Variants in YTHDC2 observed in about 807,000 individuals in gnomAD.
YTHDC2 encodes YTH N6-methyladenosine RNA binding protein C2.
A neutral mutation model predicts 174.9 loss-of-function variants in YTHDC2; 45 were observed. That is an observed-to-expected ratio of 0.26 (90% confidence interval 0.20 to 0.33). The LOEUF is 0.33. Among genes scored for constraint, YTHDC2 ranks in the 10% least tolerant of loss-of-function variants. The pLI, the probability that YTHDC2 is intolerant of heterozygous loss-of-function variation, is 1.00. For missense variants in YTHDC2, 1,650 were observed against 1,723.7 expected (o/e 0.96, Z 0.76); for synonymous variants, 657 against 574.5 (o/e 1.14, Z -2.05).
chr5:113,585,759 C>T (rs993572944), intron 26 of YTHDC2, among the ~76,000 whole-genome samples: 2 of 151,152 alleles, frequency 1.3e-5, no homozygotes, highest in Admixed American at 6.6e-5. Context: ...ATAAGCCAGA[C>T]ACAAAATGCT....
At chr5:113,589,395 T>TA (rs1156968093) in intron 26 of YTHDC2, among the ~76,000 whole-genome samples, 25,870 of 114,138 alleles carry the variant, frequency 0.23, 3,616 homozygotes, top group East Asian at 0.43. Flanking sequence ...TTTTAAAAAT[T>TA]AAAAAAAAAA....
At chr5:113,559,412 A>G (rs1776817078) in intron 17 of YTHDC2, among the ~76,000 whole-genome samples, 1 of 152,220 alleles carries the variant, frequency 6.6e-6, no homozygotes, top group South Asian at 2.1e-4. Context: ...AGTAAGAGCA[A>G]ATATCACATT....
chr5:113,537,069 A>G (rs555777934), intron 7 of YTHDC2, among the ~76,000 whole-genome samples: 30 of 152,292 alleles, frequency 2.0e-4, no homozygotes, highest in Admixed American at 9.2e-4. Flanking sequence ...CCTGCCAACA[A>G]TGTTATAATG....
At chr5:113,514,936 A>G (rs1773298630) in intron 1 of YTHDC2, among the ~76,000 whole-genome samples, 1 of 152,234 alleles carries the variant, frequency 6.6e-6, no homozygotes, top group African/African-American at 2.4e-5. Flanking sequence ...ACCAAGTTAA[A>G]TATGTTCAGT....
chr5:113,563,473 A>G lies in YTHDC2; in HGVS notation c.2423A>G (p.Asn808Ser). The G allele has an allele frequency of 6.2e-7, 1 of 1,608,858 alleles. No individual in the cohort carries two copies. Among genetic ancestry groups the G allele is most frequent in the Non-Finnish European group, 8.5e-7 (1 of 1,177,236 alleles). ...PEPPPALIVR[N>S]AVQMLKTIDA... ...CCTCCACCAGCTTTAATTGTAAGAA[A>G]TGCTGTACAAATGCTTAAGGTTGGT... Residue 808 changes from asparagine to serine, a missense_variant, in exon 19 of 30, where the codon AAT becomes AGT. By Grantham distance (46) the Asn-to-Ser change is conservative. Transcript: ENST00000161863.
At chr5:113,531,778 AAC>A (rs368653455) in intron 4 of YTHDC2, among the ~76,000 whole-genome samples, 14 of 152,182 alleles carry the variant, frequency 9.2e-5, no homozygotes, top group Admixed American at 2.0e-4. Context: ...TGAAAATAAA[AAC>A]AGTTATATTT....
At chr5:113,530,309 A>T (rs1774568771) in intron 4 of YTHDC2, among the ~76,000 whole-genome samples, 1 of 152,112 alleles carries the variant, frequency 6.6e-6, no homozygotes, top group African/African-American at 2.4e-5. Context: ...TGTCTATAGT[A>T]CCAGTGTCTA....
chr5:113,513,735 T>C lies in YTHDC2; in HGVS notation c.-161T>C. ...TGATATCAATGGCGCAGGCTTCACT[T>C]CTGCTGTGGCGGTGACTGAGGCCTT... On this transcript the variant is annotated 5_prime_UTR_variant, in exon 1 of 30. Transcript: ENST00000161863. 1.4e-6 allele frequency: 1 copy of C among 736,962 alleles called. No homozygotes were observed. Among genetic ancestry groups the C allele is most frequent in the Non-Finnish European group, 2.1e-6 (1 of 482,580 alleles). The allele number at this position is 736,962 out of a possible 1,614,324, so 45.7% of individuals were successfully genotyped here. A position where few individuals can be genotyped will look rare whatever the true frequency, so the allele number is the denominator to read the frequency against.
intron 22 of YTHDC2, 137 bp from the exon 23 acceptor site, chr5:113,567,517 G>T (rs546632073): frequency 1.3e-6 from 1 of 742,116 alleles, no homozygotes; most frequent in Non-Finnish European, 2.0e-6. Flanking sequence ...CTACATGAGC[G>T]ATGACTTGTT....
chr5:113,588,713 C>T (rs1446994226), intron 26 of YTHDC2, among the ~76,000 whole-genome samples: 1 of 151,902 alleles, frequency 6.6e-6, no homozygotes, highest in Non-Finnish European at 1.5e-5. Context: ...AGCTCAGCCT[C>T]CTGGGTTCAC....
chr5:113,555,312 A>G (rs36023163), intron 16 of YTHDC2, among the ~76,000 whole-genome samples: 18,952 of 145,614 alleles, frequency 0.13, 1,432 homozygotes, highest in Non-Finnish European at 0.18. Flanking sequence ...GCTGTTTTCT[A>G]AAAATTTTAT....
chr5:113,524,012 C>T (rs909832183), intron 2 of YTHDC2, among the ~76,000 whole-genome samples: 3 of 152,048 alleles, frequency 2.0e-5, no homozygotes, highest in Non-Finnish European at 4.4e-5. Flanking sequence ...TTAGAGTCTA[C>T]TCTGCAACAG....
chr5:113,518,458 T>A (rs538383786), intron 2 of YTHDC2, among the ~76,000 whole-genome samples: 2 of 152,006 alleles, frequency 1.3e-5, no homozygotes, highest in South Asian at 2.1e-4. Flanking sequence ...CTCATTGGCC[T>A]CCCAAAGTAC....
chr5:113,553,286 T>C lies in YTHDC2; in HGVS notation c.1794T>C (p.Ser598=). 1 of 1,611,798 alleles carries C rather than the reference T, an allele frequency of 6.2e-7. No individual in the cohort carries two copies. The highest frequency in any genetic ancestry group is 8.5e-7 in the Non-Finnish European group (1 of 1,178,820). The change falls in exon 13 of 30, where the codon AGT becomes AGC. Residue 598 remains serine, a synonymous_variant. Transcript: ENST00000161863. ...DRELLKAYHH[S]FDDEKVDLDL... ...AGCTCCTGAAAGCTTATCATCATAG[T>C]TTCGATGATGAAAAAGTAGACTTGG...
Position 113,534,383 on chromosome 5 carries a change from G to C in YTHDC2, c.921G>C (p.Leu307Phe), listed in dbSNP as rs760312531. The part of the protein sequence containing the change: ...LRTLMAGDST[L>F]STVTHVIVDE... ...CATTGATGGCAGGAGATAGTACGTT[G>C]TCGACTGTGACACATGTTATCGTGG... is the stretch of plus-strand genomic sequence containing the variant. The change falls in exon 6 of 30, where the codon TTG becomes TTC. Residue 307 changes from leucine (L) to phenylalanine (F), a missense_variant. Physicochemically the swap from Leu to Phe is conservative, Grantham distance 22 (BLOSUM62 0). Transcript: ENST00000161863. The C allele has an allele frequency of 5.0e-6, 8 of 1,611,918 alleles. No homozygotes were observed. Among genetic ancestry groups the C allele is most frequent in the African/African-American group, 1.3e-5 (1 of 74,858 alleles).
chr5:113,571,876 T>C (rs1195848393), intron 23 of YTHDC2, among the ~76,000 whole-genome samples: 1 of 152,162 alleles, frequency 6.6e-6, no homozygotes, highest in South Asian at 2.1e-4. Context: ...TCTTCTTTAT[T>C]AATCTAGCTA....
At chr5:113,563,614 A>G in intron 19 of YTHDC2, 122 bp downstream of exon 19, 3 of 1,126,616 alleles carry the variant, frequency 2.7e-6, no homozygotes, top group Non-Finnish European at 3.7e-6. Flanking sequence ...GCATGTGTCC[A>G]GATAAACTAA....
Position 113,539,180 on chromosome 5 carries a change from A to C in YTHDC2, c.1209A>C (p.Gln403His), listed in dbSNP as rs778566290. 6 of 1,306,396 alleles carry C rather than the reference A, an allele frequency of 4.6e-6. No individual in the cohort carries two copies. In the African/African-American group the frequency reaches 6.1e-5, roughly 13 times the overall value. 80.9% of individuals were successfully genotyped at this position (1,306,396 alleles called of 1,614,324 possible). ...TAAAATATAAAAAGGAAAAACAGCAAGGTAAATTTTTTAATAAAAGAAATA... is the reference window on the plus strand; with the variant it reads ...TAAAATATAAAAAGGAAAAACAGCACGGTAAATTTTTTAATAAAAGAAATA... The part of the protein sequence containing the change: ...EMLKYKKEKQ[Q>H]EEKQQTTLTE... The change falls in exon 8 of 30, where the codon CAA becomes CAC. Residue 403 changes from glutamine (Q) to histidine (H), a missense_variant and splice_region_variant. By Grantham distance (24) the Gln-to-His change is conservative. Around this residue, in one of 5 missense-constraint regions of YTHDC2, gnomAD observed 411 missense variants for 380.6 expected, o/e 1.08. Transcript: ENST00000161863.
chr5:113,561,027 T>C, intron 17 of YTHDC2, 53 bp from the exon 18 acceptor site: 1 of 1,444,790 alleles, frequency 6.9e-7, no homozygotes, highest in Non-Finnish European at 9.4e-7. Flanking sequence ...GTTTACAGTT[T>C]ATTGTAGCCT....
Sources: gnomAD v4.1 joint callset for allele counts (sites outside exome capture counted in the v4.1 genomes callset) on GRCh38, gnomAD v4.1.1 for gene constraint, gnomAD v4.1.1 regional missense constraint, MANE v1.5 for transcripts, NCBI Gene and HGNC (gene_info 2026-07-23, HGNC 2026-07-21) for gene names.